Variants in TAS2R1 observed in about 807,000 individuals in gnomAD.
TAS2R1 encodes the protein taste receptor type 2 member 1.
For synonymous variants in TAS2R1, 141 were observed against 134.2 expected (o/e 1.05, Z -0.35); for missense variants, 370 against 353.4 (o/e 1.05, Z -0.38).
chr5:9,682,533 G>A (rs1435154280), intron 1 of TAS2R1, among the ~76,000 whole-genome samples: 3 of 152,124 alleles, frequency 2.0e-5, no homozygotes, highest in Admixed American at 6.6e-5. Context: ...TGACCCTGAT[G>A]AAGAAATAAA....
At chr5:9,817,191 C>T in the TAS2R1 span, among the ~76,000 whole-genome samples, 21 of 152,222 alleles carry the variant, frequency 1.4e-4, no homozygotes, top group Admixed American at 8.5e-4. Context: ...TCTCTGTGCA[C>T]GAGGTTTAAT....
At chr5:9,700,372 T>C (rs1305053979) in intron 1 of TAS2R1, among the ~76,000 whole-genome samples, 2 of 152,184 alleles carry the variant, frequency 1.3e-5, no homozygotes, top group African/African-American at 4.8e-5. Context: ...TCTTAGGTAA[T>C]GTAGACTTCT....
At chr5:9,678,648 G>A (rs1342324420) in intron 1 of TAS2R1, among the ~76,000 whole-genome samples, 1 of 152,122 alleles carries the variant, frequency 6.6e-6, no homozygotes, top group African/African-American at 2.4e-5. Flanking sequence ...AGATGGACCT[G>A]GAAGCTGTTA....
the TAS2R1 span, among the ~76,000 whole-genome samples, chr5:9,835,448 G>C: frequency 1.3e-5 from 2 of 151,762 alleles, no homozygotes; most frequent in Non-Finnish European, 2.9e-5. Flanking sequence ...TTTTTCTTTT[G>C]TGCCTGTCAA....
the TAS2R1 span, among the ~76,000 whole-genome samples, chr5:9,893,784 T>TA: frequency 0.036 from 5,504 of 152,248 alleles, 327 homozygotes; most frequent in African/African-American, 0.13. Context: ...GTGATCTGTC[T>TA]ACTGAATAAG....
the TAS2R1 span, among the ~76,000 whole-genome samples, chr5:9,897,622 T>A: frequency 1.3e-5 from 2 of 152,230 alleles, no homozygotes; most frequent in African/African-American, 4.8e-5. Context: ...AAAGTAGGCA[T>A]GTATTATATC....
At chr5:9,822,591 C>A in the TAS2R1 span, among the ~76,000 whole-genome samples, 2 of 151,852 alleles carry the variant, frequency 1.3e-5, no homozygotes, top group African/African-American at 2.4e-5. Context: ...CCTCGTGATC[C>A]GCCCGCCTCG....
At chr5:9,698,738 G>A (rs558012360) in intron 1 of TAS2R1, among the ~76,000 whole-genome samples, 6 of 152,240 alleles carry the variant, frequency 3.9e-5, no homozygotes, top group African/African-American at 1.4e-4. Flanking sequence ...ATCTGGTGCC[G>A]TGCAATCTGG....
chr5:9,903,026 G>A, the TAS2R1 span, among the ~76,000 whole-genome samples: 39 of 152,160 alleles, frequency 2.6e-4, no homozygotes, highest in African/African-American at 7.7e-4. Flanking sequence ...CATGCAATGT[G>A]AAATAAGCAC....
the TAS2R1 span, among the ~76,000 whole-genome samples, chr5:9,770,116 GTTC>G: frequency 6.6e-6 from 1 of 152,002 alleles, no homozygotes; most frequent in Non-Finnish European, 1.5e-5. Context: ...GTCTAGTATT[GTTC>G]TTCTTCAGAT....
the TAS2R1 span, among the ~76,000 whole-genome samples, chr5:9,746,071 G>GA: frequency 6.6e-6 from 1 of 151,424 alleles, no homozygotes; most frequent in African/African-American, 2.4e-5. Context: ...AAATTTTCAA[G>GA]AAAAAAAACC....
At chr5:9,778,405 A>G in the TAS2R1 span, among the ~76,000 whole-genome samples, 1 of 152,218 alleles carries the variant, frequency 6.6e-6, no homozygotes, top group Non-Finnish European at 1.5e-5. Context: ...CCTGGCTTCA[A>G]CTTAAAGTTA....
chr5:9,659,649 C>T (rs950420037), intron 1 of TAS2R1: 1 of 151,842 alleles, frequency 6.6e-6, no homozygotes, highest in African/African-American at 2.4e-5. Flanking sequence ...AAACACATGG[C>T]GTGAACATTT....
the TAS2R1 span, among the ~76,000 whole-genome samples, chr5:9,776,400 A>G: frequency 6.6e-6 from 1 of 152,156 alleles, no homozygotes; most frequent in East Asian, 1.9e-4. Flanking sequence ...GAAATTAAAA[A>G]GAGGTAGTGT....
chr5:9,663,192 A>AAAGATGATTCTAC (rs1350200890), intron 1 of TAS2R1, among the ~76,000 whole-genome samples: 1 of 152,214 alleles, frequency 6.6e-6, no homozygotes, highest in Non-Finnish European at 1.5e-5. Flanking sequence ...AACTGCAAAA[A>AAAGATGATTCTAC]AAGATGATTC....
chr5:9,755,196 C>T, the TAS2R1 span, among the ~76,000 whole-genome samples: 6 of 152,064 alleles, frequency 3.9e-5, no homozygotes, highest in African/African-American at 1.5e-4. Flanking sequence ...AAAAGAGTCC[C>T]GATCCAGACT....
At chr5:9,671,581 A>G (rs576860551) in intron 1 of TAS2R1, among the ~76,000 whole-genome samples, 46 of 152,308 alleles carry the variant, frequency 3.0e-4, no homozygotes, top group African/African-American at 9.9e-4. Flanking sequence ...ATAGCTAACC[A>G]GGTATATGAA....
At chr5:9,794,735 T>G in the TAS2R1 span, among the ~76,000 whole-genome samples, 1 of 152,196 alleles carries the variant, frequency 6.6e-6, no homozygotes, top group Non-Finnish European at 1.5e-5. Context: ...GGGGTCACAT[T>G]TTGCTTTGAA....
At chr5:9,841,324 T>C in the TAS2R1 span, among the ~76,000 whole-genome samples, 1 of 152,212 alleles carries the variant, frequency 6.6e-6, no homozygotes, top group Non-Finnish European at 1.5e-5. Context: ...CTTCTCCTTC[T>C]AGGAAAAAAT....
Sources: allele counts gnomAD v4.1 joint callset (sites outside exome capture counted in the v4.1 genomes callset), GRCh38; gene constraint gnomAD v4.1.1; transcripts MANE v1.5; gene names NCBI Gene and HGNC (gene_info 2026-07-23, HGNC 2026-07-21).